Variants in TACC1 observed in about 807,000 individuals in gnomAD.
TACC1 encodes transforming acidic coiled-coil containing protein 1, also known as transforming acidic coiled-coil-containing protein 1.
In TACC1, 48 loss-of-function variants were observed where a neutral mutation model predicts 84.4. The observed-to-expected ratio is 0.57, with a 90% CI of 0.45 to 0.72. TACC1 has a LOEUF of 0.72. Ranked by LOEUF, TACC1 falls within the 30% of genes least tolerant of loss-of-function variation. TACC1 has a pLI of 0.00. For synonymous variants in TACC1, 372 were observed against 376.3 expected, an observed-to-expected ratio of 0.99 and a Z score of 0.13; for missense variants, 920 against 973.0, an observed-to-expected ratio of 0.95 and a Z score of 0.72.
In TACC1 at chr8:38,848,475, T is replaced by C. The variant is rs1455238548; in HGVS notation, c.*452T>C. 1 of 153,190 alleles carries C rather than the reference T, an allele frequency of 6.5e-6. No homozygotes were observed. Among genetic ancestry groups the C allele is most frequent in the East Asian group, 1.9e-4 (1 of 5,216 alleles). 9.5% of individuals were successfully genotyped at this position (153,190 alleles called of 1,614,324 possible). A position where few individuals can be genotyped will look rare whatever the true frequency, so the allele number is the denominator to read the frequency against. The stretch of plus-strand genomic sequence containing the variant: ...TTAAGGAGACAGTTTGGCCTATTGT[T>C]ACTTCCAATTTATAATCAAGAAGGG... On this transcript the variant is annotated 3_prime_UTR_variant, in exon 13 of 13. Coordinates refer to ENST00000317827, the MANE Select transcript of TACC1 (RefSeq NM_006283.3).
chr8:38,843,473 T>G (rs958296784), intron 11 of TACC1, 78 bp downstream of exon 11: 1 of 1,016,048 alleles, frequency 9.8e-7, no homozygotes, highest in Admixed American at 2.4e-5. Context: ...AATCACTGTT[T>G]CGCAACTCCA....
chr8:38,846,635 G>A (rs1832357555), intron 11 of TACC1, 64 bp from the exon 12 acceptor site: 2 of 1,596,848 alleles, frequency 1.3e-6, no homozygotes, highest in Non-Finnish European at 1.7e-6. Flanking sequence ...TATCCTGACT[G>A]GCTTTGACTA....
intron 2 of TACC1, among the ~76,000 whole-genome samples, chr8:38,812,690 G>T (rs1420547735): frequency 1.3e-5 from 2 of 152,210 alleles, no homozygotes; most frequent in African/African-American, 2.4e-5. Context: ...GTTGCTCTTA[G>T]AATAGAACCA....
At chr8:38,830,982 C>T (rs1216782810) in intron 5 of TACC1, 143 bp from the exon 6 acceptor site, 4 of 688,004 alleles carry the variant, frequency 5.8e-6, no homozygotes, top group Non-Finnish European at 9.9e-6. Context: ...AAAATGCCAG[C>T]GCTCCTTTTA....
chr8:38,816,169 A>G (rs959322897), intron 2 of TACC1, among the ~76,000 whole-genome samples: 3 of 152,226 alleles, frequency 2.0e-5, no homozygotes, highest in African/African-American at 7.2e-5. Context: ...AGTTATTAAC[A>G]ATATCTAACA....
Position 38,840,175 on chromosome 8 carries a change from A to G in TACC1, c.1917-49A>G, listed in dbSNP as rs372966548. The G allele has an allele frequency of 6.9e-6, 10 of 1,445,438 alleles. No homozygotes were observed. In the African/African-American group the frequency reaches 9.9e-5, roughly 14 times the overall value. The allele number at this position is 1,445,438 out of a possible 1,614,324, so 89.5% of individuals were successfully genotyped here. On this transcript the variant is annotated intron_variant, in intron 8 of 12. Coordinates refer to ENST00000317827, the MANE Select transcript of TACC1 (RefSeq NM_006283.3). ...TTGGGACAGCATTTCTCCAACTTTC[A>G]TTGTCTGAAAATCCTCCTCTGGTAA...
rs1831844697 is a variant in TACC1, at chr8:38,844,455, T to G, written c.2228+1060T>G. On this transcript the variant is annotated intron_variant, in intron 11 of 12. Transcript: ENST00000317827. Reference sequence around the variant, plus strand: ...TCCCAAAGTGCTGGGATTACAGGTGTGAGCCACCGCGCCCAGCCCCAGAGC... The same window carrying G: ...TCCCAAAGTGCTGGGATTACAGGTGGGAGCCACCGCGCCCAGCCCCAGAGC... 2.0e-5 allele frequency among the ~76,000 whole-genome samples: 3 copies of G among 152,300 alleles called. No homozygotes were observed. In the South Asian group the frequency reaches 6.2e-4, roughly 32 times the overall value.
At position 38,820,336 on chromosome 8, in the gene TACC1, A is replaced by G. The variant is rs1330083995; in HGVS notation, c.1092A>G (p.Leu364=). 2 of 1,614,098 alleles carry G rather than the reference A, an allele frequency of 1.2e-6. No individual in the cohort carries two copies. The highest frequency in any genetic ancestry group is 1.7e-6 in the Non-Finnish European group (2 of 1,180,046). Residue 364 remains leucine, a synonymous_variant, in exon 3 of 13, where the codon TTA becomes TTG. Transcript: ENST00000317827. ...QKDGISKSAG[L]EQPTDPVARD... ...ATGGCATCAGTAAGTCAGCAGGTTTAGAACAGCCTACAGACCCAGTGGCAC... is the reference window on the plus strand; with the variant it reads ...ATGGCATCAGTAAGTCAGCAGGTTTGGAACAGCCTACAGACCCAGTGGCAC...
intron 6 of TACC1, among the ~76,000 whole-genome samples, chr8:38,831,986 T>C (rs1017437248): frequency 7.9e-5 from 12 of 152,066 alleles, no homozygotes; most frequent in African/African-American, 2.9e-4. Flanking sequence ...TTTGTATTAT[T>C]AGTAGAGATG....
intron 8 of TACC1, 79 bp from the exon 9 acceptor site, chr8:38,840,145 A>G: frequency 9.4e-7 from 1 of 1,069,024 alleles, no homozygotes; most frequent in Non-Finnish European, 1.4e-6. Flanking sequence ...AATGTGTTTA[A>G]TTGTTTGGGA....
intron 3 of TACC1, among the ~76,000 whole-genome samples, chr8:38,768,259 T>C (rs1812666195): frequency 6.6e-6 from 1 of 152,176 alleles, no homozygotes; most frequent in Non-Finnish European, 1.5e-5. Context: ...ACAGAGAACT[T>C]TCTGTAGCTT....
chr8:38,744,432 A>C (rs1415571067), intron 2 of TACC1, among the ~76,000 whole-genome samples: 1 of 152,122 alleles, frequency 6.6e-6, no homozygotes, highest in Non-Finnish European at 1.5e-5. Context: ...TTCTATTTAC[A>C]TCCCATTGAC....
intron 2 of TACC1, among the ~76,000 whole-genome samples, chr8:38,790,438 A>G (rs1368771227): frequency 1.3e-5 from 2 of 152,176 alleles, no homozygotes; most frequent in South Asian, 4.1e-4. Flanking sequence ...AGGGATTGTG[A>G]TTCAGCTTCT....
At chr8:38,783,976 G>A (rs1816644787), upstream of TACC1, among the ~76,000 whole-genome samples, 1 of 152,204 alleles carries the variant, frequency 6.6e-6, no homozygotes, top group Admixed American at 6.5e-5. Flanking sequence ...TATTGGCAAT[G>A]TTGTCTTGAT....
intron 3 of TACC1, among the ~76,000 whole-genome samples, chr8:38,750,533 C>A (rs1808839686): frequency 6.6e-6 from 1 of 152,116 alleles, no homozygotes. Flanking sequence ...TTGTCCTTAT[C>A]TACAAGTGAC....
At chr8:38,803,238 T>C (rs1259736015) in intron 2 of TACC1, among the ~76,000 whole-genome samples, 1 of 152,236 alleles carries the variant, frequency 6.6e-6, no homozygotes, top group Non-Finnish European at 1.5e-5. Flanking sequence ...TTACTTCCTT[T>C]CCAATAGGGA....
chr8:38,820,959 A>G (rs11781693), intron 3 of TACC1, among the ~76,000 whole-genome samples: 48,443 of 151,878 alleles, frequency 0.32, 8,820 homozygotes, highest in Non-Finnish European at 0.42. Context: ...TAATCCCAGC[A>G]CTTTGGGAGG....
upstream of TACC1, among the ~76,000 whole-genome samples, chr8:38,783,092 ATC>A (rs1263668903): frequency 3.9e-3 from 446 of 112,962 alleles, no homozygotes; most frequent in East Asian, 7.1e-3. Context: ...CTATCTATCT[ATC>A]TATCTATCTA....
intron 3 of TACC1, among the ~76,000 whole-genome samples, chr8:38,780,526 T>C (rs1815730522): frequency 1.3e-5 from 2 of 152,194 alleles, no homozygotes; most frequent in East Asian, 1.9e-4. Context: ...GGGCTTTCTG[T>C]TCTGTGTTAC....
Sources: allele counts gnomAD v4.1 joint callset (sites outside exome capture counted in the v4.1 genomes callset), GRCh38; gene constraint gnomAD v4.1.1; transcripts MANE v1.5; gene names NCBI Gene and HGNC (gene_info 2026-07-23, HGNC 2026-07-21).